Variants in TAF4 observed in about 807,000 individuals in gnomAD.
The protein encoded by TAF4 is TATA-box binding protein associated factor 4, also known as transcription initiation factor TFIID subunit 4.
TAF4 carries 9 observed loss-of-function variants against 90.3 expected under a neutral mutation model. That is an observed-to-expected ratio of 0.10 (90% CI 0.06 to 0.17). TAF4 has a LOEUF of 0.17. Among genes scored for constraint, TAF4 ranks in the 10% least tolerant of loss-of-function variants. The probability of loss-of-function intolerance (pLI) is 1.00; values close to 1 mark genes in which losing one functional copy is unlikely to be tolerated. For synonymous variants in TAF4, 818 were observed against 638.9 expected (o/e 1.28, Z -4.23); for missense variants, 1,351 against 1,370.7 (o/e 0.99, Z 0.23).
intron 1 of TAF4, among the ~76,000 whole-genome samples, chr20:62,052,673 A>G (rs6142939): frequency 0.7 from 102,856 of 147,564 alleles, 36,034 homozygotes; most frequent in Middle Eastern, 0.79. Flanking sequence ...TTGCACCCCT[A>G]TGTGAACTGC....
rs547044774 is a variant in TAF4 at position 62,022,002 on chromosome 20, C to T, written c.1361-7295G>A. ...GCACACAGCGGCCAGCGGCGGACAG[C>T]ATCAGAGGCGGAGCGGGCCCTCCAG... On this transcript the variant is annotated intron_variant, in intron 1 of 14. Coordinates refer to ENST00000252996, the MANE Select transcript of TAF4 (RefSeq NM_003185.4). Among the ~76,000 whole-genome samples, 7 of 152,242 alleles carry T rather than the reference C, an allele frequency of 4.6e-5. No individual in the cohort carries two copies. In the East Asian group the frequency reaches 9.7e-4, roughly 21 times the overall value.
intron 1 of TAF4, among the ~76,000 whole-genome samples, chr20:62,033,587 A>C (rs544321339): frequency 8.5e-5 from 13 of 152,146 alleles, no homozygotes; most frequent in Non-Finnish European, 1.9e-4. Context: ...AAATACAAAA[A>C]TTAGCCAGGC....
intron 1 of TAF4, among the ~76,000 whole-genome samples, chr20:62,040,584 G>A (rs963078107): frequency 3.3e-5 from 5 of 152,208 alleles, no homozygotes; most frequent in African/African-American, 7.2e-5. Flanking sequence ...AGAAAGGTGC[G>A]CTCTGCCACG....
rs758590580 is a variant in TAF4 at position 61,976,274 on chromosome 20, G to A, written c.3152C>T (p.Thr1051Met). The change falls in exon 15 of 15, where the codon ACG becomes ATG. Residue 1051 changes from threonine to methionine, a missense_variant. This residue lies in a region of TAF4 where 48 missense variants were observed against 50.6 expected (regional missense o/e 0.95). Transcript: ENST00000252996. ...SSGVGTPRQF[T>M]RQRITRVNLR... ...GTTGACCCGCGTGATTCTTTGTCGCGTGAACTGTCTGGGGGTTCCGACACC... is the reference window on the plus strand; with the variant it reads ...GTTGACCCGCGTGATTCTTTGTCGCATGAACTGTCTGGGGGTTCCGACACC... The A allele has an allele frequency of 9.9e-6, 16 of 1,613,864 alleles. No individual in the cohort carries two copies. Among genetic ancestry groups the A allele is most frequent in the East Asian group, 2.2e-5 (1 of 44,892 alleles).
intron 1 of TAF4, among the ~76,000 whole-genome samples, chr20:62,039,868 T>C (rs1377052059): frequency 5.3e-5 from 8 of 152,136 alleles, no homozygotes; most frequent in Admixed American, 6.5e-5. Context: ...CGAAAGAAGA[T>C]AGGCAAATGA....
intron 4 of TAF4, among the ~76,000 whole-genome samples, chr20:62,009,585 A>C (rs1460219097): frequency 6.6e-6 from 1 of 152,270 alleles, no homozygotes; most frequent in Non-Finnish European, 1.5e-5. Flanking sequence ...AAAGGCGTCA[A>C]GTGGGGCCCA....
chr20:61,991,940 G>A (rs921359722), intron 14 of TAF4, among the ~76,000 whole-genome samples: 7 of 152,148 alleles, frequency 4.6e-5, no homozygotes, highest in African/African-American at 1.7e-4. Flanking sequence ...GATTTGGACA[G>A]TAACACTTTA....
chr20:62,014,601 C>T lies in TAF4; in HGVS notation c.1467G>A (p.Ala489=), dbSNP rs751093736. ...CACTTGTGGGGGTGGCAGGGCGAGG[C>T]GCCATGGTGGTCTGAGGCTGGGCAT... ...QAHAQPQTTM[A]PRPATPTSAP... The change falls in exon 2 of 15, where the codon GCG becomes GCA. Residue 489 remains alanine (A), a synonymous_variant. Transcript: ENST00000252996. 3.7e-6 allele frequency: 6 copies of T among 1,613,986 alleles called. No individual in the cohort carries two copies. Among genetic ancestry groups the T allele is most frequent in the East Asian group, 2.2e-5 (1 of 44,854 alleles).
At chr20:62,034,502 A>AT (rs2055921569) in intron 1 of TAF4, among the ~76,000 whole-genome samples, 1 of 151,514 alleles carries the variant, frequency 6.6e-6, no homozygotes, top group Non-Finnish European at 1.5e-5. Context: ...TTTTTTTTTA[A>AT]TTTTTTGTAG....
At chr20:61,985,519 TTAAA>T (rs2055582858) in intron 14 of TAF4, among the ~76,000 whole-genome samples, 1 of 151,844 alleles carries the variant, frequency 6.6e-6, no homozygotes, top group African/African-American at 2.4e-5. Flanking sequence ...ACCTGTGAGG[TTAAA>T]TAAAAGGGCC....
intron 1 of TAF4, among the ~76,000 whole-genome samples, chr20:62,019,782 T>C (rs1305382099): frequency 1.3e-5 from 2 of 152,158 alleles, no homozygotes; most frequent in African/African-American, 4.8e-5. Context: ...CACACAACAG[T>C]TTTCCTGATT....
chr20:62,012,601 T>TA (rs200828286), intron 3 of TAF4: 2,782 of 555,638 alleles, frequency 5.0e-3, no homozygotes, highest in East Asian at 0.021. Flanking sequence ...TCTGTGTGAC[T>TA]AAAAAAAAGA....
intron 1 of TAF4, among the ~76,000 whole-genome samples, chr20:62,042,111 G>C (rs1158096973): frequency 1.3e-5 from 2 of 152,128 alleles, no homozygotes; most frequent in Admixed American, 6.5e-5. Flanking sequence ...CCTTTTCCAA[G>C]ACTAATCTGG....
At chr20:62,015,499 C>G (rs1356299546) in intron 1 of TAF4, among the ~76,000 whole-genome samples, 3 of 152,232 alleles carry the variant, frequency 2.0e-5, no homozygotes, top group Admixed American at 2.0e-4. Context: ...GGGAGCAGGG[C>G]TATAAACACT....
At chr20:61,982,053 G>A (rs796944434) in intron 14 of TAF4, among the ~76,000 whole-genome samples, 3 of 100,668 alleles carry the variant, frequency 3.0e-5, no homozygotes, top group South Asian at 4.1e-4. Flanking sequence ...CCCAAGAGGA[G>A]ACACCAAACC....
At chr20:62,001,109 C>T (rs908958167) in intron 9 of TAF4, among the ~76,000 whole-genome samples, 4 of 152,186 alleles carry the variant, frequency 2.6e-5, no homozygotes, top group East Asian at 1.9e-4. Flanking sequence ...AAGAAGAGTA[C>T]GCACAATTTT....
In TAF4 at chr20:61,997,682, A is replaced by G. The variant is rs1008258637; in HGVS notation, c.2971-13T>C. The G allele has an allele frequency of 5.6e-6, 9 of 1,609,222 alleles. No individual in the cohort carries two copies. Among genetic ancestry groups the G allele is most frequent in the Middle Eastern group, 1.6e-4 (1 of 6,072 alleles). The stretch of plus-strand genomic sequence containing the variant: ...CCTGTTGCTGCATCTTTTATTTTGA[A>G]AAGGAGACAAGGAGCATCATTTCTT... On this transcript the variant is annotated splice_polypyrimidine_tract_variant and intron_variant, in intron 13 of 14. Coordinates refer to ENST00000252996, the MANE Select transcript of TAF4 (RefSeq NM_003185.4).
chr20:62,044,072 C>T (rs1054332211), intron 1 of TAF4, among the ~76,000 whole-genome samples: 3 of 152,194 alleles, frequency 2.0e-5, no homozygotes, highest in African/African-American at 7.2e-5. Flanking sequence ...GCAGAGCTAA[C>T]TTGTGCTTAT....
intron 1 of TAF4, among the ~76,000 whole-genome samples, chr20:62,057,419 TGATA>T (rs573053032): frequency 2.0e-5 from 3 of 152,338 alleles, no homozygotes; most frequent in South Asian, 2.1e-4. Context: ...ATGTCAAATT[TGATA>T]GACAGAAAAA....
Sources: gnomAD v4.1 joint callset for allele counts (sites outside exome capture counted in the v4.1 genomes callset) on GRCh38, gnomAD v4.1.1 for gene constraint, gnomAD v4.1.1 regional missense constraint, MANE v1.5 for transcripts, NCBI Gene and HGNC (gene_info 2026-07-23, HGNC 2026-07-21) for gene names.